The following RBPJ variants were observed in gnomAD, a reference collection of about 807,000 sequenced individuals.
RBPJ encodes the protein recombining binding protein suppressor of hairless.
In RBPJ, 9 loss-of-function variants were observed where a neutral mutation model predicts 67.8. The ratio of observed to expected loss-of-function variants is 0.13; its 90% CI spans 0.08 to 0.23. RBPJ has a LOEUF of 0.23. RBPJ is among the 10% of genes least tolerant of loss of function. The pLI, the probability that RBPJ is intolerant of heterozygous loss-of-function variation, is 1.00. For missense variants in RBPJ, 305 were observed against 595.6 expected (o/e 0.51, Z 5.08); for synonymous variants, 198 against 203.3 (o/e 0.97, Z 0.22).
chr4:26,211,190 T>G (rs1718410438), intron 1 of RBPJ, among the ~76,000 whole-genome samples: 2 of 152,192 alleles, frequency 1.3e-5, no homozygotes, highest in Non-Finnish European at 2.9e-5. Flanking sequence ...CACGTGTATG[T>G]GTGCAATGTA....
intron 1 of RBPJ, among the ~76,000 whole-genome samples, chr4:26,365,398 G>A (rs1021950624): frequency 4.6e-5 from 7 of 152,180 alleles, no homozygotes; most frequent in Non-Finnish European, 1.5e-5. Flanking sequence ...GGGGTGATGT[G>A]TGTGTTTTCT....
chr4:26,210,766 T>TCTTTCTTTCTTC (rs1560212253), intron 1 of RBPJ, among the ~76,000 whole-genome samples: 14 of 137,872 alleles, frequency 1.0e-4, no homozygotes, highest in African/African-American at 3.8e-4. Flanking sequence ...TTTCTTTCTT[T>TCTTTCTTTCTTC]CTTTCTTTCT....
chr4:26,117,159 G>A, the RBPJ span, among the ~76,000 whole-genome samples: 1 of 152,164 alleles, frequency 6.6e-6, no homozygotes, highest in Admixed American at 6.5e-5. Flanking sequence ...TTGCTGGACA[G>A]AACATAGTGG....
chr4:26,280,795 A>C (rs2109274700), intron 1 of RBPJ, among the ~76,000 whole-genome samples: 1 of 152,322 alleles, frequency 6.6e-6, no homozygotes, highest in Non-Finnish European at 1.5e-5. Flanking sequence ...CATTTTAATA[A>C]ATTGGAGACT....
At chr4:26,404,280 GACCTTT>G (rs1422003051) in intron 2 of RBPJ, among the ~76,000 whole-genome samples, 1 of 151,960 alleles carries the variant, frequency 6.6e-6, no homozygotes, top group African/African-American at 2.4e-5. Flanking sequence ...CTGGATAGTA[GACCTTT>G]ATCAGATGCA....
intron 1 of RBPJ, among the ~76,000 whole-genome samples, chr4:26,258,482 T>C (rs1337447895): frequency 6.6e-6 from 1 of 152,172 alleles, no homozygotes; most frequent in Non-Finnish European, 1.5e-5. Context: ...ATGGCTGCCT[T>C]TTCCACTCCC....
chr4:26,415,388 AT>A, intron 3 of RBPJ, 86 bp from the exon 4 acceptor site: 1 of 1,158,688 alleles, frequency 8.6e-7, no homozygotes, highest in Non-Finnish European at 1.2e-6. Flanking sequence ...ATGATTTTGT[AT>A]TCATAATGTT....
At chr4:26,181,647 C>T (rs1437211380) in intron 1 of RBPJ, among the ~76,000 whole-genome samples, 1 of 152,186 alleles carries the variant, frequency 6.6e-6, no homozygotes, top group African/African-American at 2.4e-5. Context: ...GGCTATATGG[C>T]TCAGTCATAG....
intron 1 of RBPJ, among the ~76,000 whole-genome samples, chr4:26,230,059 G>A (rs1026086823): frequency 1.3e-5 from 2 of 151,930 alleles, no homozygotes; most frequent in African/African-American, 2.4e-5. Context: ...GCATGGTGGC[G>A]TGCACCTATA....
intron 1 of RBPJ, among the ~76,000 whole-genome samples, chr4:26,338,527 G>A (rs1334940146): frequency 6.7e-6 from 1 of 149,876 alleles, no homozygotes; most frequent in African/African-American, 2.4e-5. Flanking sequence ...CCTTCTGGAA[G>A]TTTGGCTTTT....
the RBPJ span, among the ~76,000 whole-genome samples, chr4:26,154,314 G>A: frequency 6.6e-6 from 1 of 152,194 alleles, no homozygotes; most frequent in Non-Finnish European, 1.5e-5. Flanking sequence ...ATAAGATAAT[G>A]ATGGTTACCT....
At chr4:26,244,322 T>C (rs1719813120) in intron 1 of RBPJ, among the ~76,000 whole-genome samples, 3 of 151,754 alleles carry the variant, frequency 2.0e-5, no homozygotes, top group African/African-American at 2.4e-5. Flanking sequence ...TGTGTATATG[T>C]ATACACATAT....
intron 1 of RBPJ, among the ~76,000 whole-genome samples, chr4:26,380,225 C>T (rs1730176239): frequency 6.6e-6 from 1 of 152,036 alleles, no homozygotes; most frequent in African/African-American, 2.4e-5. Flanking sequence ...TCAATAGGTA[C>T]AATATTTAAG....
At chr4:26,156,809 C>A in the RBPJ span, among the ~76,000 whole-genome samples, 1 of 151,962 alleles carries the variant, frequency 6.6e-6, no homozygotes, top group Non-Finnish European at 1.5e-5. Context: ...GTGGCTCATG[C>A]CTATAATTCC....
At chr4:26,116,958 A>G in the RBPJ span, among the ~76,000 whole-genome samples, 1 of 152,236 alleles carries the variant, frequency 6.6e-6, no homozygotes. Flanking sequence ...GCCCAGGTCT[A>G]GATTAAAGCC....
rs1719290844 is a variant in RBPJ, at chr4:26,231,673, A to T, written c.-167+68059A>T. On this transcript the variant is annotated intron_variant, in intron 1 of 4. Coordinates refer to the RBPJ transcript ENST00000512351. Reference sequence around the variant, plus strand: ...GTGATCTGCCCGTTTCGGCCTCCCAAAGTGTTGGGATTACAGGCATGAGCC... The same window carrying T: ...GTGATCTGCCCGTTTCGGCCTCCCATAGTGTTGGGATTACAGGCATGAGCC... Among the ~76,000 whole-genome samples the T allele has an allele frequency of 2.0e-5, 3 of 151,774 alleles. No individual in the cohort carries two copies. The South Asian group carries it at 6.2e-4, about 32-fold the overall frequency.
intron 1 of RBPJ, among the ~76,000 whole-genome samples, chr4:26,374,353 G>A (rs1729489569): frequency 6.6e-6 from 1 of 152,110 alleles, no homozygotes; most frequent in Non-Finnish European, 1.5e-5. Flanking sequence ...ATGAAAGAAA[G>A]TTTCCTTTCA....
chr4:26,240,916 G>A (rs1239263208), intron 1 of RBPJ, among the ~76,000 whole-genome samples: 2 of 152,040 alleles, frequency 1.3e-5, no homozygotes, highest in Non-Finnish European at 2.9e-5. Flanking sequence ...GACAAAGTGG[G>A]GTGCAGAAAG....
intron 5 of RBPJ, among the ~76,000 whole-genome samples, chr4:26,423,881 G>C (rs1735383290): frequency 6.6e-6 from 1 of 152,116 alleles, no homozygotes; most frequent in African/African-American, 2.4e-5. Flanking sequence ...GGAATTGGAT[G>C]CAAACACATA....
Sources: allele counts gnomAD v4.1 joint callset (sites outside exome capture counted in the v4.1 genomes callset), GRCh38; gene constraint gnomAD v4.1.1; transcripts MANE v1.5; gene names NCBI Gene and HGNC (gene_info 2026-07-23, HGNC 2026-07-21).